SPIDR: variants seen among roughly 807,000 people sequenced by gnomAD.
SPIDR encodes the protein scaffold protein involved in DNA repair.
SPIDR carries 93 observed loss-of-function variants against 104.6 expected under a neutral mutation model. That is an observed-to-expected ratio of 0.89 (90% CI 0.75 to 1.06). The LOEUF is 1.06. Among genes scored for constraint, SPIDR ranks in the 50% least tolerant of loss-of-function variants. The pLI is 0.00. For missense variants in SPIDR, 1,154 were observed against 1,111.2 expected, an observed-to-expected ratio of 1.04 and a Z score of -0.55; for synonymous variants, 431 against 416.9, an observed-to-expected ratio of 1.03 and a Z score of -0.41.
intron 8 of SPIDR, among the ~76,000 whole-genome samples, chr8:47,504,147 C>T (rs541806753): frequency 2.0e-4 from 30 of 152,208 alleles, no homozygotes; most frequent in African/African-American, 6.7e-4. Flanking sequence ...GTCTTTGTGG[C>T]GTTCTCTGTA....
intron 10 of SPIDR, among the ~76,000 whole-genome samples, chr8:47,653,600 T>C (rs1747587784): frequency 6.6e-6 from 1 of 152,192 alleles, no homozygotes; most frequent in South Asian, 2.1e-4. Flanking sequence ...GTTTGTGAAC[T>C]ACCTCACATT....
chr8:47,719,862 G>GC (rs1214277492), intron 16 of SPIDR, among the ~76,000 whole-genome samples: 3 of 152,062 alleles, frequency 2.0e-5, no homozygotes, highest in African/African-American at 7.2e-5. Flanking sequence ...GGGCTCCCAT[G>GC]CCCCCCCACA....
rs1165339281 is a variant in SPIDR, at chr8:47,729,037, T to C, written c.2540T>C (p.Val847Ala). ...LDCRSRPQCR[V>A]KVKLLQRSIS... ...TGCCGCTCAAGACCGCAGTGCAGAG[T>C]GAAGGTCAAGGTAGGAGCCAGGCCA... Residue 847 changes from valine to alanine, a missense_variant, in exon 18 of 20, where the codon GTG becomes GCG. By Grantham distance (64) the Val-to-Ala change is moderately conservative (BLOSUM62 0). Transcript: ENST00000297423. The C allele has an allele frequency of 3.1e-6, 5 of 1,613,580 alleles. No individual in the cohort carries two copies. Among genetic ancestry groups the C allele is most frequent in the Non-Finnish European group, 4.2e-6 (5 of 1,179,968 alleles).
At chr8:47,321,060 T>C (rs1164166424) in intron 5 of SPIDR, among the ~76,000 whole-genome samples, 1 of 152,080 alleles carries the variant, frequency 6.6e-6, no homozygotes, top group East Asian at 1.9e-4. Context: ...CTCTCACCGC[T>C]CCTATTCAAC....
At chr8:47,317,818 C>T (rs2045703353) in intron 5 of SPIDR, among the ~76,000 whole-genome samples, 1 of 152,190 alleles carries the variant, frequency 6.6e-6, no homozygotes, top group African/African-American at 2.4e-5. Context: ...GCCTCCACTG[C>T]TGATACTCAG....
intron 3 of SPIDR, among the ~76,000 whole-genome samples, chr8:47,286,220 G>A (rs1335035775): frequency 1.3e-5 from 2 of 152,142 alleles, no homozygotes; most frequent in African/African-American, 4.8e-5. Context: ...TGACTTGAGA[G>A]CTACGCATAA....
chr8:47,520,993 C>G (rs1260072800), intron 8 of SPIDR, among the ~76,000 whole-genome samples: 1 of 152,132 alleles, frequency 6.6e-6, no homozygotes, highest in East Asian at 1.9e-4. Context: ...ATAGACATGG[C>G]CTTGCTCTGA....
chr8:47,452,982 TCTC>T (rs1245079490), intron 8 of SPIDR, among the ~76,000 whole-genome samples: 2 of 152,060 alleles, frequency 1.3e-5, no homozygotes, highest in Non-Finnish European at 2.9e-5. Context: ...CAGCCCAAGA[TCTC>T]CTCAAGCTGA....
At chr8:47,355,685 TAATC>T (rs1554625358) in intron 5 of SPIDR, among the ~76,000 whole-genome samples, 3 of 152,258 alleles carry the variant, frequency 2.0e-5, no homozygotes, top group African/African-American at 7.2e-5. Flanking sequence ...TGGGCTACTT[TAATC>T]AGAGTCCAGT....
intron 7 of SPIDR, among the ~76,000 whole-genome samples, chr8:47,424,430 G>C (rs1464423296): frequency 2.0e-5 from 3 of 152,014 alleles, no homozygotes; most frequent in African/African-American, 4.8e-5. Flanking sequence ...TCAACCTCCA[G>C]AGTGGCTGGG....
chr8:47,403,508 C>T (rs2062225202), intron 6 of SPIDR, among the ~76,000 whole-genome samples: 1 of 152,172 alleles, frequency 6.6e-6, no homozygotes, highest in South Asian at 2.1e-4. Context: ...TCAGCAAAGT[C>T]TTGGGATACA....
chr8:47,649,049 G>A (rs375351025), intron 10 of SPIDR, among the ~76,000 whole-genome samples: 1 of 151,962 alleles, frequency 6.6e-6, no homozygotes, highest in Non-Finnish European at 1.5e-5. Flanking sequence ...ATCAGTATTG[G>A]GACAAATTAA....
At chr8:47,524,909 T>C (rs1047043622) in intron 8 of SPIDR, among the ~76,000 whole-genome samples, 1 of 152,226 alleles carries the variant, frequency 6.6e-6, no homozygotes, top group African/African-American at 2.4e-5. Context: ...TGATACAATT[T>C]AGTAAAATGT....
chr8:47,499,027 A>C (rs1358272190), intron 8 of SPIDR, among the ~76,000 whole-genome samples: 1 of 152,172 alleles, frequency 6.6e-6, no homozygotes, highest in Non-Finnish European at 1.5e-5. Context: ...GTTTTCCTTC[A>C]GTTAACTTTC....
intron 5 of SPIDR, among the ~76,000 whole-genome samples, chr8:47,339,423 T>C (rs1408218116): frequency 6.6e-6 from 1 of 152,246 alleles, no homozygotes; most frequent in African/African-American, 2.4e-5. Flanking sequence ...AAAATTTATT[T>C]ACCATTCTTT....
At chr8:47,277,477 C>T (rs782471349) in intron 1 of SPIDR, among the ~76,000 whole-genome samples, 16 of 150,858 alleles carry the variant, frequency 1.1e-4, no homozygotes, top group South Asian at 4.2e-4. Context: ...GCGATTGTCT[C>T]GCTTCAGCCT....
intron 7 of SPIDR, among the ~76,000 whole-genome samples, chr8:47,431,598 C>T (rs992120361): frequency 4.6e-5 from 7 of 152,176 alleles, no homozygotes; most frequent in African/African-American, 1.7e-4. Flanking sequence ...CTCAGCTAGG[C>T]TTTGACTGCT....
intron 5 of SPIDR, among the ~76,000 whole-genome samples, chr8:47,305,271 A>G (rs1350326546): frequency 6.6e-6 from 1 of 152,228 alleles, no homozygotes; most frequent in Admixed American, 6.5e-5. Flanking sequence ...TCCTATGCAA[A>G]TACAGGCTAA....
chr8:47,460,272 C>T (rs782400791), intron 8 of SPIDR, among the ~76,000 whole-genome samples: 2 of 152,010 alleles, frequency 1.3e-5, no homozygotes, highest in South Asian at 2.1e-4. Context: ...CTGTCTATCT[C>T]GTTACTTATG....
Sources: gnomAD v4.1 joint callset for allele counts (sites outside exome capture counted in the v4.1 genomes callset) on GRCh38, gnomAD v4.1.1 for gene constraint, MANE v1.5 for transcripts, NCBI Gene and HGNC (gene_info 2026-07-23, HGNC 2026-07-21) for gene names.